The following DACH2 variants were observed in gnomAD, a reference collection of about 807,000 sequenced individuals.
DACH2 encodes dachshund homolog 2.
In DACH2, 17 loss-of-function variants were observed where a neutral mutation model predicts 35.8. The observed-to-expected ratio is 0.48, with a 90% CI of 0.33 to 0.71. DACH2 has a LOEUF of 0.71. Among genes scored for constraint, DACH2 ranks in the 30% least tolerant of loss-of-function variants. The pLI, the probability that DACH2 is intolerant of heterozygous loss-of-function variation, is 0.02. For missense variants in DACH2, 469 were observed against 472.7 expected (o/e 0.99, Z 0.07); for synonymous variants, 195 against 177.3 (o/e 1.10, Z -0.79).
At chrX:86,206,556 G>A (rs143312609) in intron 1 of DACH2, among the ~76,000 whole-genome samples, 1,261 of 112,100 alleles carry the variant, frequency 0.011, 23 homozygotes, top group African/African-American at 0.038. Context: ...TGAGGAAGGC[G>A]TCATGATACA....
chrX:86,557,171 T>C (rs1218708639), intron 3 of DACH2, among the ~76,000 whole-genome samples: 1 of 111,062 alleles, frequency 9.0e-6, no homozygotes, highest in Non-Finnish European at 1.9e-5. Context: ...ATGGGATATC[T>C]ACCCACATTG....
intron 1 of DACH2, among the ~76,000 whole-genome samples, chrX:86,338,955 A>G (rs946510024): frequency 1.8e-5 from 2 of 112,278 alleles, no homozygotes; most frequent in Non-Finnish European, 1.9e-5. Flanking sequence ...CAAATAAACT[A>G]GAAAATCTAG....
chrX:86,544,652 A>T, intron 3 of DACH2, among the ~76,000 whole-genome samples: 1 of 111,444 alleles, frequency 9.0e-6, no homozygotes, highest in East Asian at 2.8e-4. Flanking sequence ...AGTGCTAAAC[A>T]TGGAAAGGAA....
chrX:86,785,231 A>C (rs745956104), intron 7 of DACH2, among the ~76,000 whole-genome samples: 1 of 111,991 alleles, frequency 8.9e-6, no homozygotes, highest in South Asian at 3.7e-4. Flanking sequence ...CATCCACTGA[A>C]GATGTTGCGT....
intron 1 of DACH2, among the ~76,000 whole-genome samples, chrX:86,354,949 G>A (rs1282419577): frequency 9.0e-6 from 1 of 111,196 alleles, no homozygotes; most frequent in Non-Finnish European, 1.9e-5. Context: ...GAGGGTATAT[G>A]TGCAATTTTA....
intron 1 of DACH2, among the ~76,000 whole-genome samples, chrX:86,201,096 C>T (rs1170551306): frequency 9.0e-6 from 1 of 111,477 alleles, no homozygotes; most frequent in African/African-American, 3.3e-5. Flanking sequence ...TCATGGAATA[C>T]TATGCAGTCA....
intron 2 of DACH2, among the ~76,000 whole-genome samples, chrX:86,458,367 A>C (rs1240458049): frequency 8.9e-6 from 1 of 111,930 alleles, no homozygotes; most frequent in Non-Finnish European, 1.9e-5. Context: ...GTAACACGCT[A>C]TCTGGAAATT....
intron 1 of DACH2, among the ~76,000 whole-genome samples, chrX:86,254,569 G>C (rs1391642338): frequency 9.4e-6 from 1 of 106,868 alleles, no homozygotes; most frequent in Non-Finnish European, 1.9e-5. Context: ...AAGGATCCTT[G>C]CATCTATTTC....
chrX:86,528,035 G>A (rs2038659071), intron 3 of DACH2, among the ~76,000 whole-genome samples: 1 of 111,313 alleles, frequency 9.0e-6, no homozygotes, highest in African/African-American at 3.3e-5. Flanking sequence ...AGGAGTAATG[G>A]AAACTGAGGA....
At chrX:86,254,803 TATATAGAGAG>T (rs1208697707) in intron 1 of DACH2, among the ~76,000 whole-genome samples, 1 of 65,164 alleles carries the variant, frequency 1.5e-5, no homozygotes, top group African/African-American at 8.6e-5. Context: ...TATATATATA[TATATAGAGAG>T]AGAGAGAGAG....
At chrX:86,402,433 G>A (rs2036451047) in intron 2 of DACH2, among the ~76,000 whole-genome samples, 1 of 111,469 alleles carries the variant, frequency 9.0e-6, no homozygotes, top group Admixed American at 9.5e-5. Context: ...ATTTTCAGTA[G>A]TCACAAAGAA....
chrX:86,417,528 C>T (rs766940417), intron 2 of DACH2, among the ~76,000 whole-genome samples: 1 of 111,285 alleles, frequency 9.0e-6, no homozygotes, highest in South Asian at 3.8e-4. Flanking sequence ...TGCCGGGAAA[C>T]TCCTGTTTCT....
intron 3 of DACH2, among the ~76,000 whole-genome samples, chrX:86,528,489 A>G (rs970347388): frequency 8.9e-6 from 1 of 111,901 alleles, no homozygotes; most frequent in African/African-American, 3.2e-5. Context: ...TTTCAAAGGA[A>G]AAACTCTTAA....
At chrX:86,159,561 A>G (rs1485453119) in intron 1 of DACH2, among the ~76,000 whole-genome samples, 1 of 112,096 alleles carries the variant, frequency 8.9e-6, no homozygotes, top group Non-Finnish European at 1.9e-5. Flanking sequence ...TTTAGGTCTC[A>G]CTTTATAAGC....
intron 3 of DACH2, among the ~76,000 whole-genome samples, chrX:86,579,108 T>G (rs1236657524): frequency 9.1e-6 from 1 of 110,423 alleles, no homozygotes; most frequent in Non-Finnish European, 1.9e-5. Context: ...TTTTTTTTTT[T>G]TGAGACGGAG....
chrX:86,219,747 T>C (rs1466258257), intron 1 of DACH2, among the ~76,000 whole-genome samples: 1 of 110,743 alleles, frequency 9.0e-6, no homozygotes, highest in Admixed American at 9.7e-5. Context: ...TACTGAGGTA[T>C]AATAGTTACA....
chrX:86,767,912 G>T (rs2041950133), intron 7 of DACH2, among the ~76,000 whole-genome samples: 1 of 111,305 alleles, frequency 9.0e-6, no homozygotes, highest in East Asian at 2.8e-4. Flanking sequence ...GTCTGATGGG[G>T]TTTTGTTTGT....
In DACH2 at chrX:86,832,115, A is replaced by G; in HGVS notation, c.1760A>G (p.Tyr587Cys). The part of the protein sequence containing the change: ...HDSAAMQGGN[Y>C]YCLEMAQQLY... ...TTTCTTTTTTTTTAAGGAGGTAACTATTACTGTTTAGAAATGGCACAACAG... is the reference window on the plus strand; with the variant it reads ...TTTCTTTTTTTTTAAGGAGGTAACTGTTACTGTTTAGAAATGGCACAACAG... Residue 587 changes from tyrosine to cysteine, a missense_variant, in exon 12 of 12, where the codon TAT (tyrosine) becomes TGT (cysteine). By Grantham distance (194) the Tyr-to-Cys change is radical (BLOSUM62 -2). Coordinates refer to ENST00000373125, the MANE Select transcript of DACH2 (RefSeq NM_053281.3). 8.4e-7 allele frequency: 1 copy of G among 1,190,879 alleles called. No homozygotes were observed. Among genetic ancestry groups the G allele is most frequent in the Non-Finnish European group, 1.1e-6 (1 of 878,828 alleles).
intron 1 of DACH2, among the ~76,000 whole-genome samples, chrX:86,253,237 A>G (rs2033437918): frequency 1.8e-5 from 2 of 111,624 alleles, no homozygotes; most frequent in Non-Finnish European, 3.8e-5. Flanking sequence ...AAAGCCCTCT[A>G]CAAGGAAAAC....
Sources: allele counts gnomAD v4.1 joint callset (sites outside exome capture counted in the v4.1 genomes callset), GRCh38; gene constraint gnomAD v4.1.1; transcripts MANE v1.5; gene names NCBI Gene and HGNC (gene_info 2026-07-23, HGNC 2026-07-21).